The following FTO variants were observed in gnomAD, a reference collection of about 807,000 sequenced individuals.
The protein encoded by FTO is alpha-ketoglutarate-dependent dioxygenase FTO.
FTO carries 47 observed loss-of-function variants against 63.9 expected under a neutral mutation model. The observed-to-expected ratio is 0.74, with a 90% CI of 0.58 to 0.94. The LOEUF is 0.94. Ranked by LOEUF, FTO falls within the 40% of genes least tolerant of loss-of-function variation. The pLI, the probability that FTO is intolerant of heterozygous loss-of-function variation, is 0.00. For missense variants in FTO, 562 were observed against 618.1 expected (o/e 0.91, Z 0.96); for synonymous variants, 207 against 224.4 (o/e 0.92, Z 0.69).
chr16:53,804,485 A>G lies in FTO; in HGVS notation c.46-5655A>G, dbSNP rs530402633. Among the ~76,000 whole-genome samples, 10 of 152,282 alleles carry G rather than the reference A, an allele frequency of 6.6e-5. 1 individual carries two copies. Among genetic ancestry groups the G allele is most frequent in the African/African-American group, 2.2e-4 (9 of 41,556 alleles). On this transcript the variant is annotated intron_variant, in intron 1 of 8. Transcript: ENST00000471389. Reference sequence around the variant, plus strand: ...AAATCCAGTTTACTTTTACTGTGCCATATTTTCATGGAGAGGGAAGTTTTT... The same window carrying G: ...AAATCCAGTTTACTTTTACTGTGCCGTATTTTCATGGAGAGGGAAGTTTTT...
rs1031267578 is a variant in FTO, at chr16:54,116,145, C to G, written c.*4230C>G. ...ATGCCAGAATTGAGAGTCCATAGGACCCGTTTAACGGATCCCACATTCAGT... is the reference window on the plus strand; with the variant it reads ...ATGCCAGAATTGAGAGTCCATAGGAGCCGTTTAACGGATCCCACATTCAGT... On this transcript the variant is annotated 3_prime_UTR_variant, in exon 9 of 9. Transcript: ENST00000471389. 6.6e-6 allele frequency: 1 copy of G among 152,198 alleles called. No individual in the cohort carries two copies. The highest frequency in any genetic ancestry group is 2.1e-4 in the South Asian group (1 of 4,828). The allele number at this position is 152,198 out of a possible 1,614,324, so 9.4% of individuals were successfully genotyped here. A position where few individuals can be genotyped will look rare whatever the true frequency, so the allele number is the denominator to read the frequency against.
At chr16:53,873,099 T>G (rs2080546289) in intron 4 of FTO, among the ~76,000 whole-genome samples, 1 of 152,222 alleles carries the variant, frequency 6.6e-6, no homozygotes, top group South Asian at 2.1e-4. Flanking sequence ...GTTGGTTTAT[T>G]GCCTGGAAAA....
chr16:54,090,441 T>C (rs1316816696), intron 8 of FTO, among the ~76,000 whole-genome samples: 2 of 152,186 alleles, frequency 1.3e-5, no homozygotes, highest in Non-Finnish European at 2.9e-5. Context: ...ATGGCAAAGT[T>C]TTAGAAATAG....
intron 1 of FTO, among the ~76,000 whole-genome samples, chr16:53,758,721 A>T (rs927824110): frequency 6.6e-6 from 1 of 152,182 alleles, no homozygotes; most frequent in African/African-American, 2.4e-5. Context: ...AAGAAAAGGA[A>T]CCCAGAGGAA....
intron 8 of FTO, among the ~76,000 whole-genome samples, chr16:53,989,552 T>A (rs1380655328): frequency 6.6e-6 from 1 of 152,140 alleles, no homozygotes; most frequent in Non-Finnish European, 1.5e-5. Context: ...GAACTTGGAC[T>A]CTATATTCAG....
intron 7 of FTO, among the ~76,000 whole-genome samples, chr16:53,897,921 A>T (rs1434267312): frequency 3.3e-5 from 5 of 152,156 alleles, no homozygotes; most frequent in Non-Finnish European, 7.3e-5. Context: ...CAGTGAATCC[A>T]GTTAGCTCTA....
chr16:53,796,584 C>T (rs1169016889), intron 1 of FTO, among the ~76,000 whole-genome samples: 1 of 152,064 alleles, frequency 6.6e-6, no homozygotes, highest in Non-Finnish European at 1.5e-5. Flanking sequence ...AAATATGATA[C>T]ATTTGAGAAC....
chr16:54,039,138 G>A (rs550806202), intron 8 of FTO, among the ~76,000 whole-genome samples: 4 of 152,130 alleles, frequency 2.6e-5, no homozygotes, highest in African/African-American at 9.7e-5. Context: ...CAGAGAGAGT[G>A]GGCACTACAT....
chr16:53,944,785 G>C (rs1375576366), intron 8 of FTO, among the ~76,000 whole-genome samples: 1 of 152,152 alleles, frequency 6.6e-6, no homozygotes, highest in African/African-American at 2.4e-5. Flanking sequence ...TAACGTATTA[G>C]GTGTTCAATA....
intron 1 of FTO, among the ~76,000 whole-genome samples, chr16:53,714,433 C>A (rs989815480): frequency 2.0e-5 from 3 of 152,178 alleles, no homozygotes; most frequent in Non-Finnish European, 4.4e-5. Context: ...GTACAGCCGT[C>A]CATTATCTCA....
At chr16:53,891,140 G>T (rs1276585889) in intron 7 of FTO, among the ~76,000 whole-genome samples, 1 of 151,680 alleles carries the variant, frequency 6.6e-6, no homozygotes, top group Admixed American at 6.6e-5. Flanking sequence ...ACAGGGGCCC[G>T]CCACCATGCC....
intron 2 of FTO, among the ~76,000 whole-genome samples, chr16:53,824,611 GA>G (rs369107816): frequency 2.7e-5 from 4 of 146,438 alleles, no homozygotes; most frequent in Admixed American, 6.8e-5. Context: ...GATGCTGCAT[GA>G]AAAAAAAAAC....
intron 7 of FTO, among the ~76,000 whole-genome samples, chr16:53,893,423 T>C (rs1268974820): frequency 6.6e-6 from 1 of 152,154 alleles, no homozygotes; most frequent in Non-Finnish European, 1.5e-5. Context: ...TGCTTTGCTT[T>C]CTGGGTAAAG....
intron 4 of FTO, among the ~76,000 whole-genome samples, chr16:53,869,269 C>T (rs1417447006): frequency 6.6e-6 from 1 of 150,816 alleles, no homozygotes; most frequent in African/African-American, 2.4e-5. Context: ...CGTCAGATAG[C>T]TTTTTTTTTG....
chr16:53,833,322 T>G (rs1273972272), intron 3 of FTO, among the ~76,000 whole-genome samples: 2 of 152,190 alleles, frequency 1.3e-5, no homozygotes, highest in African/African-American at 2.4e-5. Flanking sequence ...ATACAACTAT[T>G]TTACTTAACA....
chr16:53,969,733 C>G (rs1406608148), intron 8 of FTO, among the ~76,000 whole-genome samples: 1 of 152,194 alleles, frequency 6.6e-6, no homozygotes, highest in East Asian at 1.9e-4. Context: ...CTGCCTACAG[C>G]AAACAGAGCC....
chr16:53,955,804 T>C (rs923032362), intron 8 of FTO, among the ~76,000 whole-genome samples: 6 of 152,232 alleles, frequency 3.9e-5, no homozygotes, highest in South Asian at 2.1e-4. Flanking sequence ...TCAGTGTGAA[T>C]TGGGGAAGTC....
chr16:53,861,820 A>G (rs2080181228), intron 4 of FTO, among the ~76,000 whole-genome samples: 1 of 152,222 alleles, frequency 6.6e-6, no homozygotes, highest in African/African-American at 2.4e-5. Context: ...AATAATATTT[A>G]TGAAGACTAA....
intron 7 of FTO, among the ~76,000 whole-genome samples, chr16:53,916,177 A>G (rs1181702002): frequency 6.6e-6 from 1 of 152,202 alleles, no homozygotes; most frequent in Non-Finnish European, 1.5e-5. Context: ...TTCATTCCCT[A>G]AAACTGAATG....
Sources: gnomAD v4.1 joint callset for allele counts (sites outside exome capture counted in the v4.1 genomes callset) on GRCh38, gnomAD v4.1.1 for gene constraint, MANE v1.5 for transcripts, NCBI Gene and HGNC (gene_info 2026-07-23, HGNC 2026-07-21) for gene names.